The following CFAP20DC variants were observed in gnomAD, a reference collection of about 807,000 sequenced individuals.
CFAP20DC encodes protein CFAP20DC.
In CFAP20DC, 84 loss-of-function variants were observed where a neutral mutation model predicts 101.7. The observed-to-expected ratio is 0.83, with a 90% CI of 0.69 to 0.99. The LOEUF is 0.99. Ranked by LOEUF, CFAP20DC falls within the 50% of genes least tolerant of loss-of-function variation. CFAP20DC has a pLI of 0.00. For synonymous variants in CFAP20DC, 359 were observed against 351.2 expected, an observed-to-expected ratio of 1.02 and a Z score of -0.25; for missense variants, 1,007 against 970.3, an observed-to-expected ratio of 1.04 and a Z score of -0.50.
intron 16 of CFAP20DC, among the ~76,000 whole-genome samples, chr3:58,747,561 C>T (rs2068291067): frequency 6.6e-6 from 1 of 152,090 alleles, no homozygotes; most frequent in East Asian, 1.9e-4. Context: ...CTGCCGTCTA[C>T]ATTTTTTTTA....
At chr3:58,751,468 C>T (rs967233969) in intron 16 of CFAP20DC, among the ~76,000 whole-genome samples, 9 of 152,118 alleles carry the variant, frequency 5.9e-5, no homozygotes, top group African/African-American at 1.9e-4. Flanking sequence ...TGGTCAACTG[C>T]GGCTCCCTGT....
chr3:58,800,232 A>G (rs1470009886), intron 15 of CFAP20DC, among the ~76,000 whole-genome samples: 2 of 152,250 alleles, frequency 1.3e-5, no homozygotes, highest in Non-Finnish European at 2.9e-5. Context: ...CAGAGGCCAG[A>G]GAAGCAGAGA....
At chr3:58,937,884 A>T in intron 4 of CFAP20DC, 122 bp from the exon 5 acceptor site, 1 of 646,520 alleles carries the variant, frequency 1.5e-6, no homozygotes, top group Non-Finnish European at 2.7e-6. Flanking sequence ...GATCAAACAC[A>T]GAATTTAAGA....
chr3:58,995,162 T>C (rs1344305476), intron 4 of CFAP20DC, among the ~76,000 whole-genome samples: 1 of 152,176 alleles, frequency 6.6e-6, no homozygotes, highest in African/African-American at 2.4e-5. Context: ...TATGATGTCA[T>C]TTTGATAAAG....
At chr3:59,033,095 G>A (rs2109117340) in intron 4 of CFAP20DC, among the ~76,000 whole-genome samples, 1 of 152,254 alleles carries the variant, frequency 6.6e-6, no homozygotes, top group Admixed American at 6.5e-5. Context: ...CAGCAGACCT[G>A]CAGCAGAGGG....
intron 16 of CFAP20DC, among the ~76,000 whole-genome samples, chr3:58,743,326 T>A (rs1370669134): frequency 6.6e-6 from 1 of 152,128 alleles, no homozygotes; most frequent in African/African-American, 2.4e-5. Context: ...TTTTATGTGT[T>A]CAGTGTTGTG....
intron 6 of CFAP20DC, among the ~76,000 whole-genome samples, chr3:58,888,777 T>C (rs1320471998): frequency 6.6e-6 from 1 of 152,240 alleles, no homozygotes; most frequent in East Asian, 1.9e-4. Context: ...AGTGAACATA[T>C]GCGTGCATGT....
Position 58,763,051 on chromosome 3 carries a change from G to A in CFAP20DC, c.2238-9188C>T, listed in dbSNP as rs9827722. Among the ~76,000 whole-genome samples the A allele has an allele frequency of 1.0e-2, 1,515 of 152,050 alleles. 24 individuals carry two copies. Among genetic ancestry groups the A allele is most frequent in the African/African-American group, 0.035 (1,463 of 41,458 alleles). On this transcript the variant is annotated intron_variant, in intron 15 of 16. Coordinates refer to ENST00000482387, the MANE Select transcript of CFAP20DC (RefSeq NM_001394063.1). ...TCTTCTGGAGGAGTATCTTTGTGGC[G>A]TTCTCTGTATTTCCTGAATCTGAAT...
rs570169219 is a variant in CFAP20DC at position 58,761,521 on chromosome 3, T to G, written c.2238-7658A>C. Among the ~76,000 whole-genome samples, 3 of 152,336 alleles carry G rather than the reference T, an allele frequency of 2.0e-5. No individual in the cohort carries two copies. The South Asian group carries it at 6.2e-4, about 32-fold the overall frequency. ...TCATTGATTTTTTTGAAGGGTTTTT[T>G]GTGTCTCTATTTCCTTCAGTTCTGC... On this transcript the variant is annotated intron_variant, in intron 15 of 16. Transcript: ENST00000482387.
intron 5 of CFAP20DC, among the ~76,000 whole-genome samples, chr3:58,934,783 A>C (rs2087283599): frequency 6.6e-6 from 1 of 152,230 alleles, no homozygotes; most frequent in African/African-American, 2.4e-5. Flanking sequence ...GAAAATAATA[A>C]GAGCTATCTA....
chr3:58,777,059 TA>T (rs112149298), intron 15 of CFAP20DC, among the ~76,000 whole-genome samples: 55 of 151,748 alleles, frequency 3.6e-4, no homozygotes, highest in Non-Finnish European at 2.5e-4. Flanking sequence ...CTATTAAGAT[TA>T]AAAAAAATAT....
intron 4 of CFAP20DC, among the ~76,000 whole-genome samples, chr3:58,976,818 T>C (rs895129800): frequency 5.3e-5 from 8 of 152,220 alleles, no homozygotes; most frequent in Admixed American, 5.2e-4. Flanking sequence ...CTGTAGTGAG[T>C]AGGGTGTGTG....
At chr3:58,816,982 C>T (rs563240895) in intron 14 of CFAP20DC, among the ~76,000 whole-genome samples, 2 of 152,230 alleles carry the variant, frequency 1.3e-5, no homozygotes, top group South Asian at 2.1e-4. Flanking sequence ...GTCCCTGGCC[C>T]CTGACCCCCG....
At chr3:59,011,215 T>C (rs772479077) in intron 4 of CFAP20DC, among the ~76,000 whole-genome samples, 4 of 152,112 alleles carry the variant, frequency 2.6e-5, no homozygotes, top group Admixed American at 6.5e-5. Context: ...CTGGCCAACA[T>C]GGTGAAACCC....
chr3:58,780,013 T>A (rs1357235792), intron 15 of CFAP20DC, among the ~76,000 whole-genome samples: 2 of 152,120 alleles, frequency 1.3e-5, no homozygotes, highest in Non-Finnish European at 2.9e-5. Context: ...AACAGTGGAT[T>A]TCTCAGCAGA....
At chr3:59,047,530 G>A (rs1024154873) in intron 1 of CFAP20DC, among the ~76,000 whole-genome samples, 5 of 151,972 alleles carry the variant, frequency 3.3e-5, no homozygotes, top group Admixed American at 6.6e-5. Context: ...TCTCAGTGGG[G>A]GACTCGTTTA....
chr3:58,900,282 G>A (rs2083038874), intron 6 of CFAP20DC, among the ~76,000 whole-genome samples: 1 of 152,180 alleles, frequency 6.6e-6, no homozygotes, highest in African/African-American at 2.4e-5. Context: ...GTTCAAAGGG[G>A]ATGCAAAGTA....
chr3:58,900,587 C>T (rs543783459), intron 6 of CFAP20DC, among the ~76,000 whole-genome samples: 3 of 152,210 alleles, frequency 2.0e-5, no homozygotes, highest in Admixed American at 6.5e-5. Context: ...AAGGACATAG[C>T]TGAATCTAAA....
intron 13 of CFAP20DC, among the ~76,000 whole-genome samples, chr3:58,838,410 T>C (rs187716678): frequency 1.3e-5 from 2 of 152,242 alleles, no homozygotes; most frequent in East Asian, 3.9e-4. Flanking sequence ...TGAAGACATT[T>C]CATAAGCCTG....
Sources: allele counts gnomAD v4.1 joint callset (sites outside exome capture counted in the v4.1 genomes callset), GRCh38; gene constraint gnomAD v4.1.1; transcripts MANE v1.5; gene names NCBI Gene and HGNC (gene_info 2026-07-23, HGNC 2026-07-21).